The following ZFHX3 variants were observed in gnomAD, a reference collection of about 807,000 sequenced individuals.
ZFHX3 encodes the protein zinc finger homeobox 3.
A neutral mutation model predicts 279.1 loss-of-function variants in ZFHX3; 42 were observed. The observed-to-expected ratio is 0.15, with a 90% CI of 0.12 to 0.19. ZFHX3 has a LOEUF of 0.19. Ranked by LOEUF, ZFHX3 falls within the 10% of genes least tolerant of loss-of-function variation. The pLI is 1.00. For synonymous variants in ZFHX3, 2,293 were observed against 1,957.8 expected, an observed-to-expected ratio of 1.17 and a Z score of -4.52; for missense variants, 4,981 against 4,754.0, an observed-to-expected ratio of 1.05 and a Z score of -1.40.
At chr16:72,912,499 G>A (rs2039343898) in intron 3 of ZFHX3, among the ~76,000 whole-genome samples, 1 of 152,130 alleles carries the variant, frequency 6.6e-6, no homozygotes, top group African/African-American at 2.4e-5. Context: ...ATTGTTGCAG[G>A]AAAGCTAAAA....
At chr16:73,549,792 CT>C (rs921580751) in intron 2 of ZFHX3, among the ~76,000 whole-genome samples, 1 of 151,792 alleles carries the variant, frequency 6.6e-6, no homozygotes, top group Admixed American at 6.6e-5. Context: ...CAACTCCTGG[CT>C]TTTTTTTCTT....
intron 3 of ZFHX3, chr16:73,420,662 T>C (rs1947679193): frequency 6.6e-6 from 1 of 152,200 alleles, no homozygotes; most frequent in Non-Finnish European, 1.5e-5. Flanking sequence ...TTCAGATTTT[T>C]GATGAACCAA....
Position 73,473,339 on chromosome 16 carries a change from C to CAA in ZFHX3, c.-1546-17083_-1546-17082dup, listed in dbSNP as rs11347779. Among the ~76,000 whole-genome samples, 93 of 76,640 alleles carry CAA rather than the reference C, an allele frequency of 1.2e-3. 1 individual carries two copies. Among genetic ancestry groups the CAA allele is most frequent in the Middle Eastern group, 9.6e-3 (1 of 104 alleles). 50.3% of individuals were successfully genotyped at this position (76,640 alleles called of 152,430 possible). A position where few individuals can be genotyped will look rare whatever the true frequency, so the allele number is the denominator to read the frequency against. On this transcript the variant is annotated intron_variant, in intron 2 of 17. Coordinates refer to the ZFHX3 transcript ENST00000641206. ...GAGACAGAGCGAGACTGTCTCAAAG[C>CAA]AAAAAAAAAAAAAAAAAACAAAAAA...
At chr16:73,697,855 C>T (rs1190237682) in intron 1 of ZFHX3, among the ~76,000 whole-genome samples, 1 of 152,024 alleles carries the variant, frequency 6.6e-6, no homozygotes, top group African/African-American at 2.4e-5. Flanking sequence ...ATGTTTATTT[C>T]CAAGCTCTGT....
intron 1 of ZFHX3, among the ~76,000 whole-genome samples, chr16:73,750,781 G>A (rs939671197): frequency 2.0e-5 from 3 of 152,136 alleles, no homozygotes; most frequent in Non-Finnish European, 2.9e-5. Flanking sequence ...GACCAGACTC[G>A]GAACATTGCA....
chr16:73,851,772 G>A (rs115433527), intron 1 of ZFHX3, among the ~76,000 whole-genome samples: 162 of 152,140 alleles, frequency 1.1e-3, no homozygotes, highest in African/African-American at 3.7e-3. Context: ...GACATCGTAG[G>A]GCCTTTTTTA....
intron 3 of ZFHX3, among the ~76,000 whole-genome samples, chr16:73,443,797 C>A (rs2018136692): frequency 1.3e-5 from 2 of 152,090 alleles, no homozygotes; most frequent in African/African-American, 4.8e-5. Context: ...CTCTGTTGCC[C>A]AGGCTGGAGT....
chr16:73,717,613 C>A (rs1217611399), intron 1 of ZFHX3, among the ~76,000 whole-genome samples: 1 of 152,198 alleles, frequency 6.6e-6, no homozygotes, highest in East Asian at 1.9e-4. Context: ...GTGAGCTCTT[C>A]AAGCAGGTTG....
intron 2 of ZFHX3, among the ~76,000 whole-genome samples, chr16:73,488,758 C>A (rs2019013843): frequency 6.6e-6 from 1 of 152,168 alleles, no homozygotes; most frequent in Admixed American, 6.5e-5. Context: ...ATTTTCATGA[C>A]CCCATTGCTA....
At chr16:73,549,658 AT>A (rs2020173877) in intron 2 of ZFHX3, among the ~76,000 whole-genome samples, 1 of 152,158 alleles carries the variant, frequency 6.6e-6, no homozygotes, top group Non-Finnish European at 1.5e-5. Flanking sequence ...ATTTAAATGT[AT>A]TTCCTATGCA....
intron 1 of ZFHX3, among the ~76,000 whole-genome samples, chr16:73,850,868 T>A (rs1488979865): frequency 2.0e-5 from 3 of 152,142 alleles, no homozygotes; most frequent in South Asian, 2.1e-4. Context: ...TCCAGGGGAT[T>A]TGAGTGTCAC....
chr16:72,872,433 G>A (rs182782966), intron 4 of ZFHX3, among the ~76,000 whole-genome samples: 7 of 152,128 alleles, frequency 4.6e-5, no homozygotes, highest in East Asian at 1.9e-4. Flanking sequence ...AGGAGATTAC[G>A]AGAAAAATAG....
At chr16:73,769,375 A>C (rs1056687323) in intron 1 of ZFHX3, among the ~76,000 whole-genome samples, 3 of 152,160 alleles carry the variant, frequency 2.0e-5, no homozygotes, top group African/African-American at 7.2e-5. Flanking sequence ...GATTGATTGA[A>C]AATATGACCT....
chr16:72,952,318 C>A (rs868582055), intron 2 of ZFHX3, among the ~76,000 whole-genome samples: 1 of 152,180 alleles, frequency 6.6e-6, no homozygotes, highest in Non-Finnish European at 1.5e-5. Flanking sequence ...ATATCCCTCC[C>A]GTCAGTCAAT....
At chr16:73,881,249 G>A (rs2030138919) in intron 1 of ZFHX3, among the ~76,000 whole-genome samples, 1 of 152,162 alleles carries the variant, frequency 6.6e-6, no homozygotes, top group Non-Finnish European at 1.5e-5. Context: ...CATAATGGAT[G>A]GGGCTGCAGT....
At chr16:73,667,710 AG>A (rs1385879190) in intron 2 of ZFHX3, among the ~76,000 whole-genome samples, 1 of 152,254 alleles carries the variant, frequency 6.6e-6, no homozygotes, top group Non-Finnish European at 1.5e-5. Flanking sequence ...CACTAAATTT[AG>A]TTGCACATAA....
chr16:73,261,676 T>TTTTTTG (rs2013830173), intron 4 of ZFHX3, among the ~76,000 whole-genome samples: 1 of 143,962 alleles, frequency 6.9e-6, no homozygotes, highest in Non-Finnish European at 1.5e-5. Flanking sequence ...TTGTTTTTTT[T>TTTTTTG]TTTTTTTTTT....
intron 2 of ZFHX3, among the ~76,000 whole-genome samples, chr16:73,596,348 TGC>T (rs1381087445): frequency 1.3e-5 from 2 of 152,266 alleles, no homozygotes; most frequent in East Asian, 3.9e-4. Context: ...TAATCTCTTT[TGC>T]ATAAGACTCC....
intron 1 of ZFHX3, among the ~76,000 whole-genome samples, chr16:73,723,398 T>C (rs1032930396): frequency 6.6e-6 from 1 of 152,206 alleles, no homozygotes; most frequent in African/African-American, 2.4e-5. Flanking sequence ...TGTATGAACA[T>C]AAACATTAAG....
Sources: allele counts gnomAD v4.1 joint callset (sites outside exome capture counted in the v4.1 genomes callset), GRCh38; gene constraint gnomAD v4.1.1; transcripts MANE v1.5; gene names NCBI Gene and HGNC (gene_info 2026-07-23, HGNC 2026-07-21).